The following PDE10A variants were observed in gnomAD, a reference collection of about 807,000 sequenced individuals.
The protein encoded by PDE10A is cAMP and cAMP-inhibited cGMP 3',5'-cyclic phosphodiesterase 10A.
In PDE10A, 39 loss-of-function variants were observed where a neutral mutation model predicts 97.7. The observed-to-expected ratio is 0.40, with a 90% CI of 0.31 to 0.52. The LOEUF (loss-of-function observed/expected upper bound fraction) is 0.52, where lower values mean the gene tolerates loss of function less well. PDE10A is among the 20% of genes least tolerant of loss of function. The pLI is 0.56. For synonymous variants in PDE10A, 371 were observed against 376.8 expected, an observed-to-expected ratio of 0.98 and a Z score of 0.18; for missense variants, 731 against 1,047.8, an observed-to-expected ratio of 0.70 and a Z score of 4.17.
At chr6:165,678,546 G>T (rs953391883) in intron 1 of PDE10A, among the ~76,000 whole-genome samples, 1 of 152,012 alleles carries the variant, frequency 6.6e-6, no homozygotes, top group Admixed American at 6.6e-5. Context: ...TTAAAATAAA[G>T]TTGTTAACCC....
chr6:165,877,865 A>G (rs939650840), intron 1 of PDE10A, among the ~76,000 whole-genome samples: 2 of 152,214 alleles, frequency 1.3e-5, no homozygotes, highest in African/African-American at 4.8e-5. Context: ...AGGCAAGATT[A>G]TTATTTACAT....
chr6:165,494,648 T>C (rs1487308070), intron 2 of PDE10A, among the ~76,000 whole-genome samples: 1 of 152,046 alleles, frequency 6.6e-6, no homozygotes, highest in Non-Finnish European at 1.5e-5. Context: ...AATTCTAAAT[T>C]GTGATTTTCA....
At chr6:165,732,368 G>A (rs1583008540) in intron 1 of PDE10A, among the ~76,000 whole-genome samples, 1 of 152,300 alleles carries the variant, frequency 6.6e-6, no homozygotes, top group East Asian at 1.9e-4. Flanking sequence ...GGCAGACCCT[G>A]GGGGCAGGTG....
intron 1 of PDE10A, among the ~76,000 whole-genome samples, chr6:165,829,633 T>A (rs1779854919): frequency 6.6e-6 from 1 of 152,134 alleles, no homozygotes; most frequent in Admixed American, 6.5e-5. Context: ...TGGCAGTCCA[T>A]CCCAGCAAAA....
At chr6:165,557,921 C>T (rs943469121) in intron 1 of PDE10A, among the ~76,000 whole-genome samples, 1 of 152,140 alleles carries the variant, frequency 6.6e-6, no homozygotes, top group African/African-American at 2.4e-5. Context: ...GTATAGCTGA[C>T]GTGATTAATT....
intron 1 of PDE10A, among the ~76,000 whole-genome samples, chr6:165,923,049 G>C (rs929539745): frequency 1.3e-5 from 2 of 152,078 alleles, no homozygotes; most frequent in African/African-American, 4.8e-5. Flanking sequence ...CACTGTAATG[G>C]GTACTATTAA....
intron 1 of PDE10A, among the ~76,000 whole-genome samples, chr6:165,771,813 G>A (rs1189066722): frequency 2.0e-5 from 3 of 152,186 alleles, no homozygotes; most frequent in East Asian, 3.9e-4. Context: ...TAACCACAGC[G>A]ACATTTTGGA....
At chr6:165,527,609 G>T (rs746634036) in intron 2 of PDE10A, among the ~76,000 whole-genome samples, 1 of 152,176 alleles carries the variant, frequency 6.6e-6, no homozygotes, top group Non-Finnish European at 1.5e-5. Flanking sequence ...GTCATCATGC[G>T]ACCTGAACTG....
At chr6:165,948,535 G>A (rs1230635467) in intron 1 of PDE10A, 3 of 152,302 alleles carry the variant, frequency 2.0e-5, no homozygotes, top group African/African-American at 4.8e-5. Context: ...TACCTCAAAG[G>A]AGAAATGGCA....
chr6:165,952,581 T>C (rs1783998346), intron 1 of PDE10A, among the ~76,000 whole-genome samples: 1 of 152,216 alleles, frequency 6.6e-6, no homozygotes. Context: ...TTTTCTTCTT[T>C]TAAGAAATGG....
chr6:165,573,137 C>T (rs958347084), intron 1 of PDE10A, among the ~76,000 whole-genome samples: 8 of 152,146 alleles, frequency 5.3e-5, no homozygotes, highest in Admixed American at 2.6e-4. Context: ...CATAAAATTA[C>T]AGGTTTGTAA....
At chr6:165,936,620 CA>C (rs1783339459) in intron 1 of PDE10A, among the ~76,000 whole-genome samples, 3 of 152,118 alleles carry the variant, frequency 2.0e-5, no homozygotes. Flanking sequence ...GGAATGAATG[CA>C]AACAATGGGA....
intron 12 of PDE10A, among the ~76,000 whole-genome samples, 164 bp from the exon 13 acceptor site, chr6:165,413,851 CCA>C (rs1162815902): frequency 6.6e-6 from 1 of 152,174 alleles, no homozygotes; most frequent in African/African-American, 2.4e-5. Flanking sequence ...CAGTAACATT[CCA>C]CAGAGTTTTA....
intron 1 of PDE10A, among the ~76,000 whole-genome samples, chr6:165,702,953 G>A (rs1257905081): frequency 6.6e-6 from 1 of 152,212 alleles, no homozygotes; most frequent in Non-Finnish European, 1.5e-5. Flanking sequence ...CCACCACAGT[G>A]AGCTCCAGTG....
At chr6:165,918,122 C>T (rs1037344562) in intron 1 of PDE10A, among the ~76,000 whole-genome samples, 1 of 152,076 alleles carries the variant, frequency 6.6e-6, no homozygotes, top group Non-Finnish European at 1.5e-5. Context: ...TTTGTTTAAC[C>T]GCAATGGTCT....
intron 1 of PDE10A, among the ~76,000 whole-genome samples, chr6:165,593,560 A>G (rs1268946899): frequency 6.6e-6 from 1 of 152,224 alleles, no homozygotes; most frequent in Non-Finnish European, 1.5e-5. Context: ...CTAAAAAAGG[A>G]GCCATCAATG....
At chr6:165,963,741 C>T (rs1206202635) in intron 1 of PDE10A, among the ~76,000 whole-genome samples, 2 of 152,218 alleles carry the variant, frequency 1.3e-5, no homozygotes, top group Admixed American at 6.5e-5. Flanking sequence ...ACCATCAGTC[C>T]CCTCTTGCTG....
rs1491331923 is a variant in PDE10A at position 165,906,008 on chromosome 6, CTT to C, written c.-615+81519_-615+81520del. Among the ~76,000 whole-genome samples, 20 of 50,826 alleles carry C rather than the reference CTT, an allele frequency of 3.9e-4. 1 individual carries two copies. Among genetic ancestry groups the C allele is most frequent in the South Asian group, 9.3e-4 (1 of 1,072 alleles). 33.3% of individuals were successfully genotyped at this position (50,826 alleles called of 152,430 possible). A position where few individuals can be genotyped will look rare whatever the true frequency, so the allele number is the denominator to read the frequency against. On this transcript the variant is annotated intron_variant, in intron 1 of 19. Coordinates refer to the PDE10A transcript ENST00000366882. ...CCTTCCTTCCTTCCTTCCTTCCTTC[CTT>C]CCTTCCCTCCCTCCCTTCCTTCCTT...
chr6:165,979,222 A>G (rs534629746), intron 1 of PDE10A, among the ~76,000 whole-genome samples: 66 of 152,278 alleles, frequency 4.3e-4, no homozygotes, highest in Non-Finnish European at 5.7e-4. Flanking sequence ...GTTCTTGTTC[A>G]TTGGCCAAGA....
Sources: gnomAD v4.1 joint callset for allele counts (sites outside exome capture counted in the v4.1 genomes callset) on GRCh38, gnomAD v4.1.1 for gene constraint, MANE v1.5 for transcripts, NCBI Gene and HGNC (gene_info 2026-07-23, HGNC 2026-07-21) for gene names.